The following SLC7A1 variants were observed in gnomAD, a reference collection of about 807,000 sequenced individuals.
The protein encoded by SLC7A1 is high affinity cationic amino acid transporter 1.
Under a neutral mutation model 53.9 loss-of-function variants are expected in SLC7A1, and 10 were observed. The observed-to-expected ratio is 0.19, with a 90% CI of 0.11 to 0.31. The LOEUF (loss-of-function observed/expected upper bound fraction) is 0.31. Ranked by LOEUF, SLC7A1 falls within the 10% of genes least tolerant of loss-of-function variation. The probability of loss-of-function intolerance (pLI) is 1.00; values close to 1 mark genes in which losing one functional copy is unlikely to be tolerated. For synonymous variants in SLC7A1, 342 were observed against 338.7 expected, an observed-to-expected ratio of 1.01 and a Z score of -0.11; for missense variants, 525 against 827.2, an observed-to-expected ratio of 0.63 and a Z score of 4.48.
chr13:29,584,119 C>T (rs866264385), intron 1 of SLC7A1, among the ~76,000 whole-genome samples: 15,245 of 147,140 alleles, frequency 0.1, 988 homozygotes, highest in Non-Finnish European at 0.14. Context: ...CTTTTTTTTT[C>T]TTTTTTTTTT....
chr13:29,582,102 T>C (rs1871672826), intron 1 of SLC7A1, among the ~76,000 whole-genome samples: 1 of 152,254 alleles, frequency 6.6e-6, no homozygotes, highest in African/African-American at 2.4e-5. Flanking sequence ...TCTCCATTTT[T>C]CAAATGAGGA....
chr13:29,552,254 C>CACACAG (rs1491349280), intron 2 of SLC7A1, among the ~76,000 whole-genome samples: 11 of 140,290 alleles, frequency 7.8e-5, no homozygotes, highest in African/African-American at 2.8e-4. Flanking sequence ...CACACACACA[C>CACACAG]AGACACACAC....
rs566837486 is a variant in SLC7A1, at chr13:29,514,071, G to A, written c.*409C>T. 1.6e-5 allele frequency: 3 copies of A among 184,300 alleles called. No individual in the cohort carries two copies. The highest frequency in any genetic ancestry group is 4.7e-5 in the African/African-American group (2 of 42,820). 11.4% of individuals were successfully genotyped at this position (184,300 alleles called of 1,614,324 possible). ...TGGGGCTGAGCGGGAAGATGGCTGC[G>A]AAAGTTTGGAGTATGCACAATTTCA... On this transcript the variant is annotated 3_prime_UTR_variant, in exon 13 of 13. Transcript: ENST00000380752.
chr13:29,544,167 C>T (rs896031711), intron 2 of SLC7A1, among the ~76,000 whole-genome samples: 1 of 152,160 alleles, frequency 6.6e-6, no homozygotes, highest in Non-Finnish European at 1.5e-5. Context: ...ATCTTTACAG[C>T]GTGAATCTGT....
intron 9 of SLC7A1, among the ~76,000 whole-genome samples, chr13:29,518,672 G>T (rs1324875133): frequency 6.6e-6 from 1 of 152,148 alleles, no homozygotes; most frequent in African/African-American, 2.4e-5. Flanking sequence ...CTCAGCCCGG[G>T]TTTTATGTGC....
intron 1 of SLC7A1, among the ~76,000 whole-genome samples, chr13:29,560,353 A>T (rs970529399): frequency 4.6e-5 from 7 of 152,138 alleles, no homozygotes; most frequent in African/African-American, 1.7e-4. Flanking sequence ...TACCTGCCTG[A>T]GGTGATTTTA....
chr13:29,542,220 C>T (rs563520978), intron 2 of SLC7A1, among the ~76,000 whole-genome samples: 1 of 152,198 alleles, frequency 6.6e-6, no homozygotes, highest in South Asian at 2.1e-4. Context: ...TTTGGGAGGC[C>T]GAGGTGGGTG....
chr13:29,573,078 TA>T (rs1448816912), intron 1 of SLC7A1, among the ~76,000 whole-genome samples: 1 of 152,194 alleles, frequency 6.6e-6, no homozygotes, highest in Non-Finnish European at 1.5e-5. Flanking sequence ...ATGAAAAATG[TA>T]AATGGTTTAT....
At chr13:29,525,047 T>C (rs1168685734) in intron 5 of SLC7A1, among the ~76,000 whole-genome samples, 1 of 152,150 alleles carries the variant, frequency 6.6e-6, no homozygotes, top group Non-Finnish European at 1.5e-5. Flanking sequence ...TGTTCCCTGA[T>C]GTACAAAGCC....
Position 29,512,277 on chromosome 13 carries a change from T to A in SLC7A1, c.*2203A>T, listed in dbSNP as rs2139057848. On this transcript the variant is annotated 3_prime_UTR_variant, in exon 13 of 13. Transcript: ENST00000380752. The stretch of plus-strand genomic sequence containing the variant: ...CTTCTGTGTCCAGCTTTAAGGCCTC[T>A]GCGTGAGGAAGGCCACAGACTCCCA... 6.6e-6 allele frequency: 1 copy of A among 152,284 alleles called. No homozygotes were observed. The highest frequency in any genetic ancestry group is 1.9e-4 in the East Asian group (1 of 5,172). The allele number at this position is 152,284 out of a possible 1,614,324, so 9.4% of individuals were successfully genotyped here. A position where few individuals can be genotyped will look rare whatever the true frequency, so the allele number is the denominator to read the frequency against.
intron 1 of SLC7A1, among the ~76,000 whole-genome samples, chr13:29,582,547 C>T (rs777043484): frequency 4.6e-5 from 7 of 152,210 alleles, no homozygotes; most frequent in Non-Finnish European, 8.8e-5. Flanking sequence ...ATCCCAGACC[C>T]TCAGGGAGAT....
intron 3 of SLC7A1, among the ~76,000 whole-genome samples, chr13:29,533,843 C>A (rs1158423381): frequency 6.6e-6 from 1 of 152,202 alleles, no homozygotes; most frequent in Non-Finnish European, 1.5e-5. Context: ...AAAATTCCAG[C>A]ATTTTCATAG....
intron 1 of SLC7A1, among the ~76,000 whole-genome samples, chr13:29,561,149 T>C (rs759718909): frequency 2.0e-5 from 3 of 152,156 alleles, no homozygotes; most frequent in Non-Finnish European, 4.4e-5. Context: ...GTTCTATTAA[T>C]GGGAATGCCT....
At chr13:29,571,139 T>C (rs540285843) in intron 1 of SLC7A1, among the ~76,000 whole-genome samples, 1 of 152,316 alleles carries the variant, frequency 6.6e-6, no homozygotes, top group Admixed American at 6.5e-5. Flanking sequence ...GCAAAAATAA[T>C]TGCAGTTTTT....
rs908660637 is a variant in SLC7A1 at position 29,511,651 on chromosome 13, C to A, written c.*2829G>T. 6 of 152,274 alleles carry A rather than the reference C, an allele frequency of 3.9e-5. No homozygotes were observed. The highest frequency in any genetic ancestry group is 1.4e-4 in the African/African-American group (6 of 41,470). 9.4% of individuals were successfully genotyped at this position (152,274 alleles called of 1,614,324 possible). ...CTCCCTGGAGACCCACTTCATCCCCCTCTTCAGCAGAGGTCCTGAGGCAGG... is the reference window on the plus strand; with the variant it reads ...CTCCCTGGAGACCCACTTCATCCCCATCTTCAGCAGAGGTCCTGAGGCAGG... On this transcript the variant is annotated 3_prime_UTR_variant, in exon 13 of 13. Transcript: ENST00000380752.
intron 5 of SLC7A1, among the ~76,000 whole-genome samples, chr13:29,529,231 A>C (rs1294949889): frequency 2.0e-5 from 3 of 152,194 alleles, no homozygotes; most frequent in Non-Finnish European, 4.4e-5. Flanking sequence ...GTGTTAGTGA[A>C]GTTTCGTGCA....
At position 29,514,183 on chromosome 13, in the gene SLC7A1, C is replaced by A. The variant is rs774338208; in HGVS notation, c.*297G>T. Reference sequence around the variant, plus strand: ...CGTTCTGCCTGAGGCTGCGGCAGCTCGGGGCTGAGCTGGTAGGGGAGGAAC... The same window carrying A: ...CGTTCTGCCTGAGGCTGCGGCAGCTAGGGGCTGAGCTGGTAGGGGAGGAAC... On this transcript the variant is annotated 3_prime_UTR_variant, in exon 13 of 13. Transcript: ENST00000380752. The A allele has an allele frequency of 5.1e-6, 2 of 396,036 alleles. No individual in the cohort carries two copies. The highest frequency in any genetic ancestry group is 3.9e-5 in the Admixed American group (1 of 25,408). 24.5% of individuals were successfully genotyped at this position (396,036 alleles called of 1,614,324 possible).
chr13:29,570,859 A>C (rs74973642), intron 1 of SLC7A1, among the ~76,000 whole-genome samples: 158 of 9,924 alleles, frequency 0.016, 2 homozygotes, highest in Middle Eastern at 0.33. Flanking sequence ...CTTTGTCTCA[A>C]AAAAAAAAAA....
chr13:29,544,148 C>T (rs1257937202), intron 2 of SLC7A1, among the ~76,000 whole-genome samples: 1 of 152,172 alleles, frequency 6.6e-6, no homozygotes, highest in Non-Finnish European at 1.5e-5. Context: ...CAGGAAGGAA[C>T]CCAGTGCGAT....
Sources: gnomAD v4.1 joint callset for allele counts (sites outside exome capture counted in the v4.1 genomes callset) on GRCh38, gnomAD v4.1.1 for gene constraint, MANE v1.5 for transcripts, NCBI Gene and HGNC (gene_info 2026-07-23, HGNC 2026-07-21) for gene names.